TMEM135: variants seen among roughly 807,000 people sequenced by gnomAD.
TMEM135 encodes peroxisomal membrane protein 52.
In TMEM135, 30 loss-of-function variants were observed where a neutral mutation model predicts 60.3. The ratio of observed to expected loss-of-function variants is 0.50; its 90% CI spans 0.37 to 0.68. The LOEUF (loss-of-function observed/expected upper bound fraction) is 0.68, where lower values mean the gene tolerates loss of function less well. Ranked by LOEUF, TMEM135 falls within the 30% of genes least tolerant of loss-of-function variation. The pLI is 0.00. For missense variants in TMEM135, 468 were observed against 548.8 expected, an observed-to-expected ratio of 0.85 and a Z score of 1.47; for synonymous variants, 190 against 186.7, an observed-to-expected ratio of 1.02 and a Z score of -0.14.
At chr11:87,260,509 C>T (rs1355619893) in intron 6 of TMEM135, among the ~76,000 whole-genome samples, 2 of 150,318 alleles carry the variant, frequency 1.3e-5, no homozygotes, top group Non-Finnish European at 3.0e-5. Flanking sequence ...AAATTCCGGT[C>T]ACTTTCCTGA....
chr11:87,155,721 T>A (rs1938677355), intron 4 of TMEM135, among the ~76,000 whole-genome samples: 1 of 152,110 alleles, frequency 6.6e-6, no homozygotes, highest in Admixed American at 6.6e-5. Flanking sequence ...CAGGGTGAGA[T>A]CATGGGACAG....
At chr11:87,067,189 T>C (rs1365040715) in intron 1 of TMEM135, among the ~76,000 whole-genome samples, 2 of 147,664 alleles carry the variant, frequency 1.4e-5, no homozygotes, top group African/African-American at 4.9e-5. Context: ...ACACACACTA[T>C]GTATATATAT....
At chr11:87,248,424 T>G (rs629932) in intron 6 of TMEM135, among the ~76,000 whole-genome samples, 100,216 of 152,040 alleles carry the variant, frequency 0.66, 33,609 homozygotes, top group Non-Finnish European at 0.71. Flanking sequence ...TCTCATTGTA[T>G]TTTTGATTTG....
intron 6 of TMEM135, among the ~76,000 whole-genome samples, chr11:87,237,288 A>G (rs1440287396): frequency 6.6e-6 from 1 of 151,896 alleles, no homozygotes; most frequent in Non-Finnish European, 1.5e-5. Context: ...TGTGCGAATG[A>G]TTTTTGATTA....
chr11:87,236,117 C>G (rs1439325444), intron 5 of TMEM135, among the ~76,000 whole-genome samples: 1 of 151,910 alleles, frequency 6.6e-6, no homozygotes, highest in African/African-American at 2.4e-5. Flanking sequence ...TTCTAACAGA[C>G]AGTTAAAAAT....
intron 6 of TMEM135, among the ~76,000 whole-genome samples, chr11:87,271,858 C>T (rs1941869809): frequency 6.6e-6 from 1 of 151,774 alleles, no homozygotes; most frequent in African/African-American, 2.4e-5. Context: ...ATCACCTGAG[C>T]TCAGGAAGTC....
At chr11:87,280,087 A>C (rs1942032895) in intron 6 of TMEM135, among the ~76,000 whole-genome samples, 1 of 152,256 alleles carries the variant, frequency 6.6e-6, no homozygotes, top group African/African-American at 2.4e-5. Context: ...AATCTATCAA[A>C]AAGTTATTAA....
intron 5 of TMEM135, among the ~76,000 whole-genome samples, chr11:87,201,753 A>G (rs1940097750): frequency 6.6e-6 from 1 of 152,158 alleles, no homozygotes; most frequent in Non-Finnish European, 1.5e-5. Context: ...TACATCTATA[A>G]TAAGTAGAAT....
At chr11:87,235,663 C>T (rs1171328577) in intron 5 of TMEM135, among the ~76,000 whole-genome samples, 2 of 151,898 alleles carry the variant, frequency 1.3e-5, no homozygotes, top group East Asian at 1.9e-4. Flanking sequence ...AGGCCATTGA[C>T]GATTCTTAGG....
intron 4 of TMEM135, among the ~76,000 whole-genome samples, chr11:87,109,398 A>T (rs2135196114): frequency 6.6e-6 from 1 of 152,354 alleles, no homozygotes; most frequent in East Asian, 1.9e-4. Context: ...TAGAACAATT[A>T]TAATAATACA....
At position 87,327,822 on chromosome 11, in the gene TMEM135, G is replaced by A. The variant is rs1475455003; in HGVS notation, c.*6489G>A. On this transcript the variant is annotated 3_prime_UTR_variant, in exon 15 of 15. Coordinates refer to ENST00000305494, the MANE Select transcript of TMEM135 (RefSeq NM_022918.4). ...GAGTCCCAAGGTTAGAGGATCTGGG[G>A]TCCTAATGTCCATGGGCAGTTGGAG... 4.4e-6 allele frequency: 2 copies of A among 454,004 alleles called. No individual in the cohort carries two copies. Among genetic ancestry groups the A allele is most frequent in the Non-Finnish European group, 8.8e-6 (2 of 226,786 alleles). 28.1% of individuals were successfully genotyped at this position (454,004 alleles called of 1,614,324 possible).
rs1400678116 is a variant in TMEM135, at chr11:87,066,932, C to T, written c.142-762C>T. ...AGTAGCTGGGACTACAGGCGCCCAC[C>T]ACCACGCCCGTCTCATTTTTTGTAT... is the stretch of plus-strand genomic sequence containing the variant. On this transcript the variant is annotated intron_variant, in intron 1 of 14. Transcript: ENST00000305494. Among the ~76,000 whole-genome samples, 8 of 151,386 alleles carry T rather than the reference C, an allele frequency of 5.3e-5. No homozygotes were observed. The East Asian group carries it at 1.2e-3, about 22-fold the overall frequency.
At chr11:87,167,759 C>T (rs1489059761) in intron 5 of TMEM135, among the ~76,000 whole-genome samples, 2 of 152,080 alleles carry the variant, frequency 1.3e-5, no homozygotes, top group African/African-American at 2.4e-5. Context: ...GGATATTGGC[C>T]TGAAATTTCC....
At chr11:87,139,040 T>C (rs549802872) in intron 4 of TMEM135, among the ~76,000 whole-genome samples, 4 of 152,344 alleles carry the variant, frequency 2.6e-5, no homozygotes, top group South Asian at 2.1e-4. Context: ...GGCTTTAGTA[T>C]TTCTGTTGCT....
intron 4 of TMEM135, among the ~76,000 whole-genome samples, chr11:87,130,166 ATTT>A (rs57192191): frequency 5.5e-5 from 8 of 146,744 alleles, no homozygotes; most frequent in Admixed American, 6.8e-5. Flanking sequence ...CAGTTCCAGC[ATTT>A]TTTTTTTTTT....
chr11:87,076,029 G>A (rs1209414037), intron 3 of TMEM135, among the ~76,000 whole-genome samples: 1 of 152,118 alleles, frequency 6.6e-6, no homozygotes, highest in Non-Finnish European at 1.5e-5. Flanking sequence ...AAGGCTTGCT[G>A]TAACCATTAC....
At chr11:87,164,325 G>GT (rs1388647829) in intron 5 of TMEM135, among the ~76,000 whole-genome samples, 3 of 105,740 alleles carry the variant, frequency 2.8e-5, no homozygotes, top group Non-Finnish European at 5.5e-5. Flanking sequence ...TTTTTCTCAG[G>GT]TTTGTCAAAG....
In TMEM135 at chr11:87,327,182, A is replaced by C. The variant is rs1463583531; in HGVS notation, c.*5849A>C. ...ATGTGACCCTGTTTTGGCCAATAAA[A>C]TGTAATGGAAAATCTGGGAAACACT... On this transcript the variant is annotated 3_prime_UTR_variant, in exon 15 of 15. Coordinates refer to ENST00000305494, the MANE Select transcript of TMEM135 (RefSeq NM_022918.4). The C allele has an allele frequency of 2.6e-5, 12 of 453,918 alleles. No homozygotes were observed. Among genetic ancestry groups the C allele is most frequent in the Non-Finnish European group, 4.9e-5 (11 of 226,796 alleles). The allele number at this position is 453,918 out of a possible 1,614,324, so 28.1% of individuals were successfully genotyped here.
At position 87,093,268 on chromosome 11, in the gene TMEM135, C is replaced by T. The variant is rs1180424694; in HGVS notation, c.396+1873C>T. Among the ~76,000 whole-genome samples the T allele has an allele frequency of 3.9e-5, 6 of 152,166 alleles. No individual in the cohort carries two copies. In the East Asian group the frequency reaches 1.2e-3, roughly 29 times the overall value. ...TCATTGTATTGCCCAGGCTGGAGTA[C>T]AGTGGTGTGATCACGGCTCACTACA... On this transcript the variant is annotated intron_variant, in intron 4 of 14. Transcript: ENST00000305494.
Sources: gnomAD v4.1 joint callset for allele counts (sites outside exome capture counted in the v4.1 genomes callset) on GRCh38, gnomAD v4.1.1 for gene constraint, MANE v1.5 for transcripts, NCBI Gene and HGNC (gene_info 2026-07-23, HGNC 2026-07-21) for gene names.